ADAM32: variants seen among roughly 807,000 people sequenced by gnomAD.
The protein encoded by ADAM32 is ADAM metallopeptidase domain 32, also known as disintegrin and metalloproteinase domain-containing protein 32.
In ADAM32, 89 loss-of-function variants were observed where a neutral mutation model predicts 114.9. The observed-to-expected ratio is 0.77, with a 90% CI of 0.65 to 0.92. ADAM32 has a LOEUF of 0.92. Among genes scored for constraint, ADAM32 ranks in the 40% least tolerant of loss-of-function variants. The pLI is 0.00. For missense variants in ADAM32, 870 were observed against 932.8 expected (o/e 0.93, Z 0.88); for synonymous variants, 285 against 307.5 (o/e 0.93, Z 0.77).
At chr8:39,208,859 C>T (rs913897111) in intron 11 of ADAM32, among the ~76,000 whole-genome samples, 7 of 152,026 alleles carry the variant, frequency 4.6e-5, no homozygotes, top group South Asian at 2.1e-4. Flanking sequence ...TTATTATATG[C>T]GTTGAGGTAG....
intron 2 of ADAM32, among the ~76,000 whole-genome samples, chr8:39,126,090 G>C (rs141400384): frequency 6.6e-6 from 1 of 152,150 alleles, no homozygotes; most frequent in Non-Finnish European, 1.5e-5. Context: ...AGGTCATGTA[G>C]CATGATGCCT....
chr8:39,253,134 G>C (rs368178473), intron 17 of ADAM32, among the ~76,000 whole-genome samples: 1 of 151,740 alleles, frequency 6.6e-6, no homozygotes, highest in Middle Eastern at 3.4e-3. Flanking sequence ...GGGATGCAAG[G>C]ATGGTTCAAA....
intron 19 of ADAM32, among the ~76,000 whole-genome samples, chr8:39,258,680 G>A (rs1811822081): frequency 6.6e-6 from 1 of 151,966 alleles, no homozygotes; most frequent in Admixed American, 6.6e-5. Context: ...ATGTTTTTAG[G>A]ACCAACTTTT....
At position 39,283,591 on chromosome 8, in the gene ADAM32, A is replaced by AGATGCATTGCTAG. The variant is rs1813583224; in HGVS notation, c.2324_2325insGATGCATTGCTAG (p.Ser776MetfsTer4). On this transcript the variant is annotated stop_gained and frameshift_variant, in exon 24 of 25. Transcript: ENST00000379907. LOFTEE classifies it low-confidence loss of function (END_TRUNC). ...TTATTTCCTTATTTCCTTAGATCCAAATCACAGGACAGTACCCAAACACAA... is the reference window on the plus strand; with the variant it reads ...TTATTTCCTTATTTCCTTAGATCCAAGATGCATTGCTAGATCACAGGACAGTACCCAAACACAA... 1 of 1,599,478 alleles carries AGATGCATTGCTAG rather than the reference A, an allele frequency of 6.3e-7. No individual in the cohort carries two copies.
intron 19 of ADAM32, among the ~76,000 whole-genome samples, chr8:39,259,236 G>T (rs1289090258): frequency 6.7e-6 from 1 of 149,158 alleles, no homozygotes; most frequent in East Asian, 2.0e-4. Context: ...CTTTGCTCTT[G>T]TTGCCCAGGC....
At chr8:39,247,778 G>GT (rs34655354) in intron 17 of ADAM32, among the ~76,000 whole-genome samples, 8,210 of 139,454 alleles carry the variant, frequency 0.059, 707 homozygotes, top group African/African-American at 0.19. Flanking sequence ...GGTCATCCAG[G>GT]TTTTTTTTTT....
intron 11 of ADAM32, among the ~76,000 whole-genome samples, chr8:39,199,014 C>T (rs530095705): frequency 6.6e-6 from 1 of 152,120 alleles, no homozygotes; most frequent in Non-Finnish European, 1.5e-5. Flanking sequence ...TGTTTTCTTG[C>T]AGTACTTTGA....
Position 39,275,796 on chromosome 8 carries a change from C to CG in ADAM32, c.2241-31dup, listed in dbSNP as rs1813035681. 1.9e-6 allele frequency: 3 copies of CG among 1,540,950 alleles called. No individual in the cohort carries two copies. The African/African-American group carries it at 4.1e-5, about 21-fold the overall frequency. On this transcript the variant is annotated intron_variant, in intron 21 of 24. Transcript: ENST00000379907. ...GAGGCACATTTGTGTTAAGTATTAA[C>CG]GTGGAAGCATTACTTTTTCGCTTTC...
chr8:39,182,046 G>A (rs1805930823), intron 10 of ADAM32, among the ~76,000 whole-genome samples: 1 of 152,138 alleles, frequency 6.6e-6, no homozygotes, highest in African/African-American at 2.4e-5. Context: ...AAAGTTGAGG[G>A]ACATATTATA....
At chr8:39,197,903 C>G (rs1585516013) in intron 11 of ADAM32, among the ~76,000 whole-genome samples, 1 of 152,238 alleles carries the variant, frequency 6.6e-6, no homozygotes, top group Non-Finnish European at 1.5e-5. Context: ...CTGTCCAATG[C>G]TTCAAGAGGG....
chr8:39,234,194 G>A (rs370095082), intron 16 of ADAM32, 112 bp downstream of exon 16: 3 of 831,764 alleles, frequency 3.6e-6, no homozygotes, highest in South Asian at 5.2e-5. Context: ...TTAAATGTTT[G>A]GAGGCAAAAT....
At position 39,237,832 on chromosome 8, in the gene ADAM32, A is replaced by G. The variant is rs189589608; in HGVS notation, c.1818+3750A>G. Among the ~76,000 whole-genome samples the G allele has an allele frequency of 1.6e-4, 25 of 152,254 alleles. 1 individual carries two copies. The South Asian group carries it at 5.0e-3, about 30-fold the overall frequency. ...CTGAAGACAAAAATGACAGTAACTC[A>G]TGGGAGCTCTAGGGCCCACCCATCA... is the stretch of plus-strand genomic sequence containing the variant. On this transcript the variant is annotated intron_variant, in intron 16 of 24. Transcript: ENST00000379907.
chr8:39,264,227 A>G (rs887917354), intron 19 of ADAM32, among the ~76,000 whole-genome samples: 1 of 152,158 alleles, frequency 6.6e-6, no homozygotes, highest in Non-Finnish European at 1.5e-5. Flanking sequence ...CCAGGTAGTG[A>G]GCATAATACT....
chr8:39,187,881 A>G (rs1019732238), intron 11 of ADAM32, among the ~76,000 whole-genome samples: 4 of 152,224 alleles, frequency 2.6e-5, no homozygotes, highest in African/African-American at 9.7e-5. Flanking sequence ...TCTAAACTGT[A>G]GAATTCTATA....
intron 19 of ADAM32, among the ~76,000 whole-genome samples, chr8:39,263,487 G>A (rs563054405): frequency 1.3e-5 from 2 of 152,002 alleles, no homozygotes; most frequent in Non-Finnish European, 2.9e-5. Context: ...GGTGGTGGTT[G>A]TTCTCTATTT....
rs148474736 is a variant in ADAM32, at chr8:39,264,299, T to G, written c.2163-6577T>G. Reference sequence around the variant, plus strand: ...GTTCAATCATGGTAGGTTGTGTGTTTCTAGGTATTCATCTATTTCTTCTAG... The same window carrying G: ...GTTCAATCATGGTAGGTTGTGTGTTGCTAGGTATTCATCTATTTCTTCTAG... On this transcript the variant is annotated intron_variant, in intron 19 of 24. Coordinates refer to ENST00000379907, the MANE Select transcript of ADAM32 (RefSeq NM_145004.7). Among the ~76,000 whole-genome samples the G allele has an allele frequency of 6.2e-3, 943 of 152,318 alleles. 13 individuals are homozygous for G. Among genetic ancestry groups the G allele is most frequent in the African/African-American group, 0.022 (899 of 41,566 alleles).
chr8:39,223,872 A>T (rs927733233), intron 14 of ADAM32: 1 of 152,108 alleles, frequency 6.6e-6, no homozygotes, highest in South Asian at 2.1e-4. Context: ...TTTAGATTGT[A>T]TATATAAGTG....
chr8:39,257,424 G>T, intron 19 of ADAM32, 81 bp downstream of exon 19: 1 of 1,483,096 alleles, frequency 6.7e-7, no homozygotes, highest in Non-Finnish European at 9.1e-7. Flanking sequence ...ACGAGCAGTA[G>T]CAATACTTTA....
intron 18 of ADAM32, among the ~76,000 whole-genome samples, chr8:39,256,972 C>T (rs1276155068): frequency 6.6e-6 from 1 of 151,964 alleles, no homozygotes; most frequent in African/African-American, 2.4e-5. Flanking sequence ...GACTTGAATA[C>T]TTTTGAACTT....
Sources: allele counts gnomAD v4.1 joint callset (sites outside exome capture counted in the v4.1 genomes callset), GRCh38; gene constraint gnomAD v4.1.1; transcripts MANE v1.5; gene names NCBI Gene and HGNC (gene_info 2026-07-23, HGNC 2026-07-21).